The following ARHGAP24 variants were observed in gnomAD, a reference collection of about 807,000 sequenced individuals.
ARHGAP24 encodes rho GTPase-activating protein 24.
A neutral mutation model predicts 76.4 loss-of-function variants in ARHGAP24; 50 were observed. The observed-to-expected ratio is 0.65, with a 90% confidence interval of 0.52 to 0.83. ARHGAP24 has a LOEUF of 0.83. Ranked by LOEUF, ARHGAP24 falls within the 40% of genes least tolerant of loss-of-function variation. ARHGAP24 has a pLI of 0.00. For missense variants in ARHGAP24, 930 were observed against 914.2 expected (o/e 1.02, Z -0.22); for synonymous variants, 345 against 323.3 (o/e 1.07, Z -0.72).
chr4:85,485,860 G>A (rs1723031117), intron 1 of ARHGAP24, among the ~76,000 whole-genome samples: 1 of 151,698 alleles, frequency 6.6e-6, no homozygotes, highest in African/African-American at 2.4e-5. Flanking sequence ...AGCCTCCCGA[G>A]TAGCTGGGAT....
At chr4:85,633,606 A>C (rs1296540328) in intron 2 of ARHGAP24, among the ~76,000 whole-genome samples, 12 of 151,948 alleles carry the variant, frequency 7.9e-5, no homozygotes, top group Admixed American at 7.9e-4. Flanking sequence ...ATTTACAATC[A>C]TGAAATATCT....
intron 1 of ARHGAP24, among the ~76,000 whole-genome samples, chr4:85,536,916 A>G (rs1725491238): frequency 6.6e-6 from 1 of 152,172 alleles, no homozygotes; most frequent in Admixed American, 6.5e-5. Flanking sequence ...GTGCTTTATC[A>G]AAGACCAATA....
intron 2 of ARHGAP24, among the ~76,000 whole-genome samples, chr4:85,664,811 A>T (rs1336477519): frequency 6.6e-6 from 1 of 152,134 alleles, no homozygotes; most frequent in African/African-American, 2.4e-5. Context: ...GTTTCCACGT[A>T]GCTGAGCAGT....
At chr4:85,854,871 G>A (rs542484554) in intron 3 of ARHGAP24, among the ~76,000 whole-genome samples, 1 of 152,202 alleles carries the variant, frequency 6.6e-6, no homozygotes, top group South Asian at 2.1e-4. Context: ...CCAAAGGAAA[G>A]CAACAACAAA....
intron 5 of ARHGAP24, among the ~76,000 whole-genome samples, chr4:85,955,280 A>G (rs1737846607): frequency 6.6e-6 from 1 of 151,824 alleles, no homozygotes; most frequent in African/African-American, 2.4e-5. Context: ...GAAGAGCCTA[A>G]CAAATTCACC....
intron 3 of ARHGAP24, among the ~76,000 whole-genome samples, chr4:85,761,390 T>G (rs1290006708): frequency 6.6e-6 from 1 of 152,184 alleles, no homozygotes; most frequent in African/African-American, 2.4e-5. Flanking sequence ...CTCTCACCAT[T>G]CACTGGCATC....
At chr4:85,742,663 T>A (rs924639268) in intron 3 of ARHGAP24, among the ~76,000 whole-genome samples, 3 of 152,230 alleles carry the variant, frequency 2.0e-5, no homozygotes, top group Admixed American at 1.3e-4. Context: ...AAACTGAGGT[T>A]TGTGACAAGG....
chr4:85,592,871 T>C (rs1230831233), intron 2 of ARHGAP24, among the ~76,000 whole-genome samples: 1 of 152,220 alleles, frequency 6.6e-6, no homozygotes, highest in Non-Finnish European at 1.5e-5. Context: ...ACATTTTCTT[T>C]ATCTATTCAA....
At chr4:85,523,947 T>C (rs1724883270) in intron 1 of ARHGAP24, among the ~76,000 whole-genome samples, 1 of 152,128 alleles carries the variant, frequency 6.6e-6, no homozygotes, top group Admixed American at 6.6e-5. Flanking sequence ...AATCTTGACG[T>C]GATTATACTG....
At chr4:85,931,133 G>A in intron 4 of ARHGAP24, 1 of 1,358,256 alleles carries the variant, frequency 7.4e-7, no homozygotes, top group Non-Finnish European at 1.0e-6. Context: ...TAAAATGGGA[G>A]TTTGGAAACC....
At chr4:85,734,500 T>C (rs927639713) in intron 3 of ARHGAP24, among the ~76,000 whole-genome samples, 1 of 152,172 alleles carries the variant, frequency 6.6e-6, no homozygotes, top group African/African-American at 2.4e-5. Context: ...ACTTGATACA[T>C]CTTATCCAGT....
intron 2 of ARHGAP24, among the ~76,000 whole-genome samples, chr4:85,653,722 T>C (rs2109983791): frequency 6.6e-6 from 1 of 152,204 alleles, no homozygotes; most frequent in East Asian, 1.9e-4. Context: ...TTACCTCAAG[T>C]GATCCACCCA....
chr4:85,613,365 T>G (rs1287618108), intron 2 of ARHGAP24, among the ~76,000 whole-genome samples: 1 of 152,196 alleles, frequency 6.6e-6, no homozygotes, highest in African/African-American at 2.4e-5. Context: ...AACCCTGTCC[T>G]GTTATAAAGG....
At chr4:85,893,635 G>A (rs1412539337) in intron 3 of ARHGAP24, among the ~76,000 whole-genome samples, 1 of 111,002 alleles carries the variant, frequency 9.0e-6, no homozygotes, top group African/African-American at 3.6e-5. Flanking sequence ...AGTTTGGCTG[G>A]ATATGAAATT....
chr4:85,510,281 A>G (rs1353388411), intron 1 of ARHGAP24, among the ~76,000 whole-genome samples: 1 of 152,108 alleles, frequency 6.6e-6, no homozygotes, highest in Non-Finnish European at 1.5e-5. Flanking sequence ...AATGTGTCTT[A>G]TTTCATTCTG....
At chr4:85,980,282 C>A (rs573985554) in intron 8 of ARHGAP24, among the ~76,000 whole-genome samples, 1 of 152,234 alleles carries the variant, frequency 6.6e-6, no homozygotes, top group African/African-American at 2.4e-5. Flanking sequence ...TACACATTTA[C>A]CTATTAAAGA....
intron 3 of ARHGAP24, among the ~76,000 whole-genome samples, chr4:85,814,536 A>C (rs1383484015): frequency 6.6e-6 from 1 of 152,200 alleles, no homozygotes; most frequent in African/African-American, 2.4e-5. Flanking sequence ...GTCAAATCTT[A>C]AAGCTCCAAA....
intron 2 of ARHGAP24, among the ~76,000 whole-genome samples, chr4:85,639,020 A>G (rs1721424693): frequency 6.6e-6 from 1 of 152,122 alleles, no homozygotes; most frequent in Non-Finnish European, 1.5e-5. Flanking sequence ...GGTAGAATAC[A>G]TTTTACATAG....
intron 5 of ARHGAP24, among the ~76,000 whole-genome samples, chr4:85,962,942 TC>T (rs1314531127): frequency 1.3e-5 from 2 of 151,866 alleles, no homozygotes; most frequent in African/African-American, 4.8e-5. Context: ...ATTTTTTTTT[TC>T]ATACCATAAA....
Sources: allele counts gnomAD v4.1 joint callset (sites outside exome capture counted in the v4.1 genomes callset), GRCh38; gene constraint gnomAD v4.1.1; transcripts MANE v1.5; gene names NCBI Gene and HGNC (gene_info 2026-07-23, HGNC 2026-07-21).